B3GALT1: variants seen among roughly 807,000 people sequenced by gnomAD.
B3GALT1 encodes the protein UDP-Gal:betaGlcNAc beta 1,3-galactosyltransferase, polypeptide 1.
In B3GALT1, 10 loss-of-function variants were observed where a neutral mutation model predicts 23.2. That is an observed-to-expected ratio of 0.43 (90% CI 0.27 to 0.73). B3GALT1 has a LOEUF of 0.73. B3GALT1 is among the 30% of genes least tolerant of loss of function. The pLI, the probability that B3GALT1 is intolerant of heterozygous loss-of-function variation, is 0.21. For missense variants in B3GALT1, 299 were observed against 405.4 expected, an observed-to-expected ratio of 0.74 and a Z score of 2.25; for synonymous variants, 156 against 141.5, an observed-to-expected ratio of 1.10 and a Z score of -0.73.
intron 1 of B3GALT1, among the ~76,000 whole-genome samples, chr2:167,489,850 A>G (rs1242586354): frequency 6.6e-6 from 1 of 152,204 alleles, no homozygotes; most frequent in Non-Finnish European, 1.5e-5. Flanking sequence ...GTGAGACCGC[A>G]GAATAAAATT....
chr2:167,670,425 A>C (rs542687955), intron 3 of B3GALT1, among the ~76,000 whole-genome samples: 1 of 152,220 alleles, frequency 6.6e-6, no homozygotes, highest in Non-Finnish European at 1.5e-5. Flanking sequence ...AAACCAGTCA[A>C]TAAAGACTGG....
intron 3 of B3GALT1, among the ~76,000 whole-genome samples, chr2:167,693,101 A>G (rs1269541169): frequency 1.3e-5 from 2 of 152,038 alleles, no homozygotes; most frequent in African/African-American, 4.8e-5. Flanking sequence ...GAGCATTGAG[A>G]TGTTGGTAAG....
chr2:167,726,238 A>G (rs1214083125), intron 3 of B3GALT1, among the ~76,000 whole-genome samples: 2 of 152,180 alleles, frequency 1.3e-5, no homozygotes, highest in African/African-American at 4.8e-5. Flanking sequence ...GAGTCTTGCT[A>G]TGACTAGTTT....
chr2:167,482,382 A>G (rs933607365), intron 1 of B3GALT1, among the ~76,000 whole-genome samples: 10 of 152,232 alleles, frequency 6.6e-5, no homozygotes, highest in African/African-American at 2.4e-4. Flanking sequence ...AGTATGAATT[A>G]AAGATGATCA....
chr2:167,780,442 A>G (rs958324838), intron 3 of B3GALT1, among the ~76,000 whole-genome samples: 2 of 152,244 alleles, frequency 1.3e-5, no homozygotes, highest in Non-Finnish European at 2.9e-5. Flanking sequence ...GAAGACAGCT[A>G]TTATGATGGC....
At chr2:167,588,004 G>A (rs541945072) in intron 2 of B3GALT1, among the ~76,000 whole-genome samples, 2 of 152,166 alleles carry the variant, frequency 1.3e-5, no homozygotes, top group South Asian at 4.1e-4. Context: ...TGAGTGTACT[G>A]TTAAATATTT....
chr2:167,394,516 T>G (rs775903835), intron 1 of B3GALT1, among the ~76,000 whole-genome samples: 2 of 152,266 alleles, frequency 1.3e-5, no homozygotes, highest in Admixed American at 6.5e-5. Context: ...ACAGCTTTGA[T>G]GCAACCCTAA....
chr2:167,468,099 A>G (rs1273833468), intron 1 of B3GALT1, among the ~76,000 whole-genome samples: 2 of 152,174 alleles, frequency 1.3e-5, no homozygotes, highest in Non-Finnish European at 2.9e-5. Flanking sequence ...GTGAAAGAGC[A>G]TATTTTTCTG....
chr2:167,802,837 A>G (rs894319196), intron 3 of B3GALT1, among the ~76,000 whole-genome samples: 1 of 152,156 alleles, frequency 6.6e-6, no homozygotes, highest in African/African-American at 2.4e-5. Context: ...GAGAGTTGCT[A>G]TGTTTTTTTA....
chr2:167,819,234 T>TTTCTCCAAGGCCATCAC (rs1248014171), intron 4 of B3GALT1, among the ~76,000 whole-genome samples: 1 of 152,182 alleles, frequency 6.6e-6, no homozygotes, highest in African/African-American at 2.4e-5. Flanking sequence ...TTAAAACCCA[T>TTTCTCCAAGGCCATCAC]TTCTCCAAGG....
chr2:167,734,016 C>T (rs1465749133), intron 3 of B3GALT1, among the ~76,000 whole-genome samples: 1 of 152,056 alleles, frequency 6.6e-6, no homozygotes, highest in Non-Finnish European at 1.5e-5. Context: ...AGTTTAAGTT[C>T]AAGGTCATAG....
At chr2:167,368,778 A>G (rs1178645512) in intron 1 of B3GALT1, among the ~76,000 whole-genome samples, 4 of 152,196 alleles carry the variant, frequency 2.6e-5, no homozygotes, top group Non-Finnish European at 5.9e-5. Context: ...TTGTCTAACT[A>G]TTGATAGGCT....
chr2:167,502,396 A>G (rs1361787293), intron 2 of B3GALT1, among the ~76,000 whole-genome samples: 4 of 152,180 alleles, frequency 2.6e-5, no homozygotes, highest in African/African-American at 4.8e-5. Context: ...TAGGACCACA[A>G]ATGTATAGGA....
At chr2:167,868,495 A>C (rs1690277885) in intron 4 of B3GALT1, among the ~76,000 whole-genome samples, 1 of 149,186 alleles carries the variant, frequency 6.7e-6, no homozygotes, top group African/African-American at 2.6e-5. Context: ...CTGTTAAAAA[A>C]AAAAAAAAAA....
intron 2 of B3GALT1, among the ~76,000 whole-genome samples, chr2:167,546,612 C>T (rs1488298959): frequency 2.0e-5 from 3 of 152,138 alleles, no homozygotes; most frequent in Non-Finnish European, 2.9e-5. Flanking sequence ...GCTAATTCTT[C>T]ACTACACAAA....
intron 2 of B3GALT1, among the ~76,000 whole-genome samples, chr2:167,589,472 G>A (rs1178376803): frequency 6.6e-6 from 1 of 152,064 alleles, no homozygotes; most frequent in Non-Finnish European, 1.5e-5. Context: ...TGGCTAAAAT[G>A]TACATTCTTA....
At chr2:167,436,576 C>T (rs935271750) in intron 1 of B3GALT1, among the ~76,000 whole-genome samples, 4 of 152,140 alleles carry the variant, frequency 2.6e-5, no homozygotes, top group Non-Finnish European at 1.5e-5. Flanking sequence ...ATGCCTCTCT[C>T]CATTGGGATG....
intron 2 of B3GALT1, among the ~76,000 whole-genome samples, chr2:167,499,772 A>G (rs1029925750): frequency 5.3e-5 from 8 of 152,296 alleles, no homozygotes; most frequent in Non-Finnish European, 1.0e-4. Context: ...TCAGTGCCCT[A>G]CATTAAAGAC....
chr2:167,461,156 A>G (rs984226647), intron 1 of B3GALT1, among the ~76,000 whole-genome samples: 8 of 152,166 alleles, frequency 5.3e-5, no homozygotes, highest in Non-Finnish European at 8.8e-5. Context: ...GATTCCTGAT[A>G]TTTGGATGAC....
Sources: allele counts gnomAD v4.1 joint callset (sites outside exome capture counted in the v4.1 genomes callset), GRCh38; gene constraint gnomAD v4.1.1; transcripts MANE v1.5; gene names NCBI Gene and HGNC (gene_info 2026-07-23, HGNC 2026-07-21).